TNFAIP8: variants seen among roughly 807,000 people sequenced by gnomAD.
TNFAIP8 encodes the protein TNF alpha induced protein 8.
TNFAIP8 carries 7 observed loss-of-function variants against 13.3 expected under a neutral mutation model. That is an observed-to-expected ratio of 0.52 (90% CI 0.30 to 0.99). TNFAIP8 has a LOEUF of 0.99. Among genes scored for constraint, TNFAIP8 ranks in the 50% least tolerant of loss-of-function variants. TNFAIP8 has a pLI of 0.07. For synonymous variants in TNFAIP8, 94 were observed against 87.6 expected (o/e 1.07, Z -0.41); for missense variants, 258 against 236.9 (o/e 1.09, Z -0.58).
intron 1 of TNFAIP8, among the ~76,000 whole-genome samples, chr5:119,363,188 G>A (rs1008873178): frequency 3.3e-5 from 5 of 152,256 alleles, no homozygotes; most frequent in Non-Finnish European, 7.3e-5. Flanking sequence ...CGTGGAGGCT[G>A]TGGTCAGCCT....
At chr5:119,287,506 C>G (rs1210235244) in intron 1 of TNFAIP8, among the ~76,000 whole-genome samples, 1 of 151,980 alleles carries the variant, frequency 6.6e-6, no homozygotes, top group Non-Finnish European at 1.5e-5. Context: ...GTAAACAATA[C>G]AGAATTATTA....
At chr5:119,352,899 T>C (rs1038618507), upstream of TNFAIP8, among the ~76,000 whole-genome samples, 4 of 152,100 alleles carry the variant, frequency 2.6e-5, no homozygotes, top group African/African-American at 9.7e-5. Flanking sequence ...GTGAGTAGGG[T>C]CAATTTACAT....
intron 1 of TNFAIP8, among the ~76,000 whole-genome samples, chr5:119,272,172 C>T (rs1257565365): frequency 6.6e-6 from 1 of 152,140 alleles, no homozygotes; most frequent in Non-Finnish European, 1.5e-5. Flanking sequence ...ATAGCAGAGC[C>T]AAGGGGTATC....
At chr5:119,297,080 C>T (rs1289936674) in intron 1 of TNFAIP8, among the ~76,000 whole-genome samples, 5 of 151,618 alleles carry the variant, frequency 3.3e-5, no homozygotes, top group Non-Finnish European at 5.9e-5. Flanking sequence ...AAAACCAGCT[C>T]CTGGATTCAT....
chr5:119,355,102 TTGTAGGGGCC>T, upstream of TNFAIP8: 1 of 540,192 alleles, frequency 1.9e-6, no homozygotes, highest in East Asian at 3.3e-5. Context: ...CTCAGCCAAT[TTGTAGGGGCC>T]TGTGGGCCAG....
At chr5:119,297,384 A>G (rs1359352044) in intron 1 of TNFAIP8, among the ~76,000 whole-genome samples, 1 of 152,156 alleles carries the variant, frequency 6.6e-6, no homozygotes, top group Non-Finnish European at 1.5e-5. Flanking sequence ...ATTCAGGAGC[A>G]GGTTGTTCAG....
chr5:119,392,666 G>A (rs1327636692), intron 1 of TNFAIP8, 150 bp from the exon 2 acceptor site: 8 of 969,996 alleles, frequency 8.2e-6, no homozygotes, highest in Non-Finnish European at 1.2e-5. Context: ...ATTCTTTTCT[G>A]AACAGAGACT....
At chr5:119,308,217 C>T (rs1478167597) in intron 1 of TNFAIP8, among the ~76,000 whole-genome samples, 1 of 152,074 alleles carries the variant, frequency 6.6e-6, no homozygotes, top group Admixed American at 6.6e-5. Context: ...CAAATGACAG[C>T]ATTCCCTCTT....
rs571984829 is a variant in TNFAIP8 at position 119,391,395 on chromosome 5, A to G, written c.32-1421A>G. ...GGCTTAAACACTGGCATATATGGAG[A>G]GAACAGTTGCCACTCGACTCAGAGA... On this transcript the variant is annotated intron_variant, in intron 1 of 1. Transcript: ENST00000504771. The G allele has an allele frequency of 3.0e-5, 21 of 702,392 alleles. No homozygotes were observed. In the African/African-American group the frequency reaches 3.3e-4, roughly 11 times the overall value. The allele number at this position is 702,392 out of a possible 1,614,324, so 43.5% of individuals were successfully genotyped here.
In TNFAIP8 at chr5:119,324,274, C is replaced by CA. The variant is rs56104829; in HGVS notation, c.1+55407dup. 4.6e-4 allele frequency among the ~76,000 whole-genome samples: 36 copies of CA among 77,658 alleles called. 2 individuals carry two copies. Among genetic ancestry groups the CA allele is most frequent in the East Asian group, 7.0e-4 (2 of 2,856 alleles). 50.9% of individuals were successfully genotyped at this position (77,658 alleles called of 152,430 possible). ...TGAGCCACAAAGCAAGACGCCATCT[C>CA]AAAAAAAAAAAAAAAAAAAAAAAAA... On this transcript the variant is annotated intron_variant, in intron 1 of 1. Coordinates refer to the TNFAIP8 transcript ENST00000274456.
chr5:119,351,018 G>A (rs1280240367), intron 1 of TNFAIP8, among the ~76,000 whole-genome samples: 1 of 150,988 alleles, frequency 6.6e-6, no homozygotes, highest in Non-Finnish European at 1.5e-5. Context: ...GTGTGTGTGT[G>A]TGTGTGTGTG....
chr5:119,294,052 A>T (rs913880425), intron 1 of TNFAIP8, among the ~76,000 whole-genome samples: 8 of 150,988 alleles, frequency 5.3e-5, no homozygotes, highest in Non-Finnish European at 7.4e-5. Context: ...TCTTTTTTTT[A>T]AATTTTATTA....
rs897639760 is a variant in TNFAIP8 at position 119,398,969 on chromosome 5, C to A, written c.*5588C>A. 6.6e-6 allele frequency: 1 copy of A among 152,170 alleles called. No homozygotes were observed. The highest frequency in any genetic ancestry group is 1.5e-5 in the Non-Finnish European group (1 of 68,028). 9.4% of individuals were successfully genotyped at this position (152,170 alleles called of 1,614,324 possible). A position where few individuals can be genotyped will look rare whatever the true frequency, so the allele number is the denominator to read the frequency against. ...TTGGTTTTCACTAAAGGATAAATAC[C>A]TGCTAAGCAAATTATAAAATACTAT... On this transcript the variant is annotated 3_prime_UTR_variant, in exon 2 of 2. Transcript: ENST00000504771.
intron 1 of TNFAIP8, among the ~76,000 whole-genome samples, chr5:119,313,485 T>C (rs2112675195): frequency 6.6e-6 from 1 of 152,346 alleles, no homozygotes; most frequent in African/African-American, 2.4e-5. Context: ...GATGTTATAC[T>C]GTTCCTAAGG....
At chr5:119,348,089 A>G (rs1295225929) in intron 1 of TNFAIP8, among the ~76,000 whole-genome samples, 5 of 152,142 alleles carry the variant, frequency 3.3e-5, no homozygotes, top group African/African-American at 1.2e-4. Flanking sequence ...AGGGCCCCTT[A>G]CTCAACCTGT....
At chr5:119,371,316 A>C (rs1477510313) in intron 1 of TNFAIP8, among the ~76,000 whole-genome samples, 1 of 152,220 alleles carries the variant, frequency 6.6e-6, no homozygotes. Context: ...CTAACTGTAC[A>C]GCTGACAGCT....
At chr5:119,365,172 T>C (rs1390177565) in intron 1 of TNFAIP8, among the ~76,000 whole-genome samples, 1 of 152,120 alleles carries the variant, frequency 6.6e-6, no homozygotes, top group Non-Finnish European at 1.5e-5. Context: ...AATTTTTATT[T>C]GCTCCCTTTG....
At chr5:119,336,535 A>T (rs1750557117) in intron 1 of TNFAIP8, among the ~76,000 whole-genome samples, 1 of 152,122 alleles carries the variant, frequency 6.6e-6, no homozygotes, top group Non-Finnish European at 1.5e-5. Context: ...TATACTTCTT[A>T]TTTCAGAGAA....
chr5:119,356,947 A>G (rs1751451373), intron 1 of TNFAIP8, among the ~76,000 whole-genome samples: 1 of 152,170 alleles, frequency 6.6e-6, no homozygotes, highest in South Asian at 2.1e-4. Flanking sequence ...AGAGAGTAAG[A>G]GAGGAGACTA....
Sources: allele counts gnomAD v4.1 joint callset (sites outside exome capture counted in the v4.1 genomes callset), GRCh38; gene constraint gnomAD v4.1.1; transcripts MANE v1.5; gene names NCBI Gene and HGNC (gene_info 2026-07-23, HGNC 2026-07-21).